The following RBMS3 variants were observed in gnomAD, a reference collection of about 807,000 sequenced individuals.
RBMS3 encodes RNA-binding motif, single-stranded-interacting protein 3.
Under a neutral mutation model 66.8 loss-of-function variants are expected in RBMS3, and 27 were observed. The observed-to-expected ratio is 0.40, with a 90% CI of 0.30 to 0.56. RBMS3 has a LOEUF of 0.56. Among genes scored for constraint, RBMS3 ranks in the 20% least tolerant of loss-of-function variants. RBMS3 has a pLI of 0.40. For synonymous variants in RBMS3, 188 were observed against 183.0 expected, an observed-to-expected ratio of 1.03 and a Z score of -0.22; for missense variants, 513 against 549.5, an observed-to-expected ratio of 0.93 and a Z score of 0.66.
intron 2 of RBMS3, among the ~76,000 whole-genome samples, chr3:29,444,205 G>A (rs893800524): frequency 1.7e-5 from 2 of 116,972 alleles, no homozygotes; most frequent in African/African-American, 6.5e-5. Context: ...ACTACAGACT[G>A]TTCTAAGTAT....
chr3:29,734,073 AAAATT>A (rs1332374043), intron 4 of RBMS3, among the ~76,000 whole-genome samples: 1 of 152,122 alleles, frequency 6.6e-6, no homozygotes, highest in Non-Finnish European at 1.5e-5. Context: ...AAAAGAGAAT[AAAATT>A]CTGTCATGCA....
At chr3:29,884,463 TCTCTC>T (rs2059816175) in intron 8 of RBMS3, among the ~76,000 whole-genome samples, 1 of 114,076 alleles carries the variant, frequency 8.8e-6, no homozygotes, top group Non-Finnish European at 2.0e-5. Flanking sequence ...TCTCTCTCTC[TCTCTC>T]TCCCCCCCCG....
chr3:29,394,812 C>T (rs1191125866), intron 1 of RBMS3, among the ~76,000 whole-genome samples: 1 of 152,134 alleles, frequency 6.6e-6, no homozygotes, highest in African/African-American at 2.4e-5. Context: ...TGTTACTTTT[C>T]TGGTTCAGAC....
At chr3:29,655,660 A>G (rs969952689) in intron 4 of RBMS3, among the ~76,000 whole-genome samples, 1 of 152,156 alleles carries the variant, frequency 6.6e-6, no homozygotes, top group African/African-American at 2.4e-5. Context: ...AATAAAGATT[A>G]TGTTATTGGT....
chr3:29,988,733 GGTCAAACA>G lies in RBMS3; in HGVS notation c.1179+521_1179+528del, dbSNP rs558430934. ...AGACCAGAAGTTCGAGACCAGCCTG[GGTCAAACA>G]GTCAAACAGTGAGACCCTGTCAGAA... On this transcript the variant is annotated intron_variant, in intron 13 of 14. Coordinates refer to ENST00000383767, the MANE Select transcript of RBMS3 (RefSeq NM_001003793.3). Among the ~76,000 whole-genome samples the G allele has an allele frequency of 1.0e-3, 152 of 152,044 alleles. No individual in the cohort carries two copies. In the East Asian group the frequency reaches 0.017, roughly 17 times the overall value.
intron 3 of RBMS3, among the ~76,000 whole-genome samples, chr3:29,503,163 A>T (rs1446209301): frequency 1.3e-5 from 2 of 152,146 alleles, no homozygotes; most frequent in African/African-American, 4.8e-5. Context: ...GTTTAATCCA[A>T]AGACTTTTAT....
intron 1 of RBMS3, among the ~76,000 whole-genome samples, chr3:29,339,220 C>T (rs4488795): frequency 0.29 from 44,000 of 152,148 alleles, 6,381 homozygotes; most frequent in Non-Finnish European, 0.3. Flanking sequence ...AGGCCCCAAT[C>T]CTGTTTTCAC....
At chr3:29,343,687 C>A (rs781540284) in intron 1 of RBMS3, among the ~76,000 whole-genome samples, 75 of 152,136 alleles carry the variant, frequency 4.9e-4, no homozygotes, top group Non-Finnish European at 8.8e-4. Flanking sequence ...CTGAGGAAAA[C>A]CAGTTCAACC....
At chr3:29,347,321 A>AAGTGTGCT (rs2036634890) in intron 1 of RBMS3, among the ~76,000 whole-genome samples, 1 of 152,194 alleles carries the variant, frequency 6.6e-6, no homozygotes, top group Non-Finnish European at 1.5e-5. Flanking sequence ...ATGTGTAGGT[A>AAGTGTGCT]AGTGTGCTAT....
chr3:29,582,197 C>G lies in RBMS3; in HGVS notation c.308-4917C>G, dbSNP rs200272040. 3.9e-5 allele frequency among the ~76,000 whole-genome samples: 5 copies of G among 128,840 alleles called. 1 individual carries two copies. The allele number at this position is 128,840 out of a possible 152,430, so 84.5% of individuals were successfully genotyped here. A position where few individuals can be genotyped will look rare whatever the true frequency, so the allele number is the denominator to read the frequency against. The stretch of plus-strand genomic sequence containing the variant: ...AGATAGATAGATAGATAGATAGATA[C>G]ACACACACATACATACAGTTTTTTC... On this transcript the variant is annotated intron_variant, in intron 3 of 14. Transcript: ENST00000383767.
chr3:29,611,950 G>A (rs1015128198), intron 4 of RBMS3, among the ~76,000 whole-genome samples: 8 of 151,926 alleles, frequency 5.3e-5, no homozygotes, highest in South Asian at 2.1e-4. Flanking sequence ...ACAGTATAAC[G>A]GTTATGAATG....
At chr3:29,833,543 GA>G (rs1471227144) in intron 6 of RBMS3, among the ~76,000 whole-genome samples, 1 of 152,200 alleles carries the variant, frequency 6.6e-6, no homozygotes, top group Admixed American at 6.5e-5. Context: ...TGAATAAAAT[GA>G]AAATTGCAAT....
At chr3:29,458,913 T>C (rs1575874882) in intron 2 of RBMS3, among the ~76,000 whole-genome samples, 1 of 152,334 alleles carries the variant, frequency 6.6e-6, no homozygotes, top group South Asian at 2.1e-4. Flanking sequence ...ATATCTTCTT[T>C]TATTCAATTT....
At chr3:29,873,547 T>G (rs1298352408) in intron 7 of RBMS3, among the ~76,000 whole-genome samples, 4 of 152,154 alleles carry the variant, frequency 2.6e-5, no homozygotes, top group Non-Finnish European at 5.9e-5. Flanking sequence ...AGGGATAGTT[T>G]GACTTATCTT....
chr3:29,958,724 T>A (rs1246836842), intron 12 of RBMS3, among the ~76,000 whole-genome samples: 1 of 152,214 alleles, frequency 6.6e-6, no homozygotes, highest in Non-Finnish European at 1.5e-5. Context: ...TGCTAAAGCG[T>A]CTATTTGTGT....
At chr3:29,906,082 G>T (rs11926208) in intron 10 of RBMS3, among the ~76,000 whole-genome samples, 1 of 151,916 alleles carries the variant, frequency 6.6e-6, no homozygotes, top group Non-Finnish European at 1.5e-5. Flanking sequence ...AGAACTTTTC[G>T]TCTACCCAAG....
At chr3:29,741,203 A>G (rs934308186) in intron 5 of RBMS3, among the ~76,000 whole-genome samples, 7 of 152,238 alleles carry the variant, frequency 4.6e-5, no homozygotes, top group Non-Finnish European at 7.3e-5. Flanking sequence ...CATAATGTAT[A>G]CATAGTAAAC....
chr3:29,333,825 C>T (rs1449623775), intron 1 of RBMS3, among the ~76,000 whole-genome samples: 6 of 152,142 alleles, frequency 3.9e-5, no homozygotes, highest in African/African-American at 1.4e-4. Flanking sequence ...ATATGACAGA[C>T]AGTTCTTTAT....
intron 2 of RBMS3, among the ~76,000 whole-genome samples, chr3:29,472,829 A>G (rs1340818152): frequency 1.3e-5 from 2 of 152,162 alleles, no homozygotes; most frequent in East Asian, 3.9e-4. Context: ...GCGAAAGAAC[A>G]AAGCTTTCAA....
Sources: allele counts gnomAD v4.1 joint callset (sites outside exome capture counted in the v4.1 genomes callset), GRCh38; gene constraint gnomAD v4.1.1; transcripts MANE v1.5; gene names NCBI Gene and HGNC (gene_info 2026-07-23, HGNC 2026-07-21).